The following LRP1B variants were observed in gnomAD, a reference collection of about 807,000 sequenced individuals.
The protein encoded by LRP1B is low-density lipoprotein receptor-related protein 1B.
Under a neutral mutation model 556.6 loss-of-function variants are expected in LRP1B, and 217 were observed. That is an observed-to-expected ratio of 0.39 (90% CI 0.35 to 0.44). The LOEUF (loss-of-function observed/expected upper bound fraction) is 0.44, where lower values mean the gene tolerates loss of function less well. Ranked by LOEUF, LRP1B falls within the 20% of genes least tolerant of loss-of-function variation. The probability of loss-of-function intolerance (pLI) is 1.00; values close to 1 mark genes in which losing one functional copy is unlikely to be tolerated. For missense variants in LRP1B, 5,053 were observed against 5,620.8 expected, an observed-to-expected ratio of 0.90 and a Z score of 3.23; for synonymous variants, 2,047 against 1,865.8, an observed-to-expected ratio of 1.10 and a Z score of -2.50.
chr2:140,891,338 G>C (rs1177529990), intron 23 of LRP1B, among the ~76,000 whole-genome samples: 1 of 151,930 alleles, frequency 6.6e-6, no homozygotes, highest in African/African-American at 2.4e-5. Flanking sequence ...GAGTTGCCTA[G>C]GAAAAAGAGT....
At chr2:140,247,492 G>T (rs1681217777) in intron 86 of LRP1B, among the ~76,000 whole-genome samples, 1 of 151,528 alleles carries the variant, frequency 6.6e-6, no homozygotes, top group Non-Finnish European at 1.5e-5. Context: ...ATTACAAGTG[G>T]CCACTTACAA....
intron 6 of LRP1B, among the ~76,000 whole-genome samples, chr2:141,228,239 G>A (rs1007007436): frequency 3.3e-5 from 5 of 152,118 alleles, no homozygotes. Flanking sequence ...TATTTTAGCC[G>A]AATTTGTAAG....
chr2:140,461,112 G>A (rs1178333301), intron 60 of LRP1B, among the ~76,000 whole-genome samples: 3 of 151,524 alleles, frequency 2.0e-5, no homozygotes, highest in African/African-American at 4.8e-5. Context: ...AGAAAAGGTG[G>A]CTATCCAGAA....
At chr2:140,617,139 C>T (rs1453639767) in intron 41 of LRP1B, among the ~76,000 whole-genome samples, 2 of 151,764 alleles carry the variant, frequency 1.3e-5, no homozygotes, top group Non-Finnish European at 2.9e-5. Flanking sequence ...AGAGTTTATG[C>T]TATTTAATCT....
intron 87 of LRP1B, among the ~76,000 whole-genome samples, chr2:140,242,375 T>C (rs1680984383): frequency 6.6e-6 from 1 of 151,150 alleles, no homozygotes; most frequent in Non-Finnish European, 1.5e-5. Context: ...TTTGAGATAT[T>C]TGAGGGCACA....
chr2:140,897,363 AC>A (rs1178505476), intron 23 of LRP1B, among the ~76,000 whole-genome samples: 2 of 152,094 alleles, frequency 1.3e-5, no homozygotes, highest in African/African-American at 2.4e-5. Context: ...AGTAACCATA[AC>A]CTGTCTTTCC....
At chr2:141,490,370 C>CGTGTGT (rs767310378) in intron 2 of LRP1B, among the ~76,000 whole-genome samples, 5,184 of 121,230 alleles carry the variant, frequency 0.043, 209 homozygotes, top group African/African-American at 0.12. Flanking sequence ...AAAATAGCCT[C>CGTGTGT]GTGTGTGTGT....
chr2:141,497,977 T>A (rs1005697899), intron 2 of LRP1B, among the ~76,000 whole-genome samples: 2 of 102,174 alleles, frequency 2.0e-5, no homozygotes, highest in African/African-American at 8.5e-5. Context: ...GCAGAACCAC[T>A]AAAACTTAAC....
At chr2:140,718,145 C>A (rs578248687) in intron 35 of LRP1B, among the ~76,000 whole-genome samples, 3 of 151,910 alleles carry the variant, frequency 2.0e-5, no homozygotes, top group African/African-American at 7.3e-5. Flanking sequence ...TGTTTCTCTG[C>A]TTGTTTGTAG....
chr2:142,001,876 G>A (rs16847868), intron 1 of LRP1B, among the ~76,000 whole-genome samples: 45,929 of 151,864 alleles, frequency 0.3, 8,347 homozygotes, highest in Admixed American at 0.43. Flanking sequence ...TGAAAATTGT[G>A]GGGTACATTT....
intron 83 of LRP1B, among the ~76,000 whole-genome samples, chr2:140,311,861 A>C (rs765018736): frequency 6.6e-5 from 10 of 152,072 alleles, no homozygotes; most frequent in African/African-American, 9.6e-5. Context: ...GATATCAGTT[A>C]GGTGACTGTG....
At position 140,583,162 on chromosome 2, in the gene LRP1B, C is replaced by CTTTTTTTTT. The variant is rs1220644581; in HGVS notation, c.7194+15468_7194+15469insAAAAAAAAA. On this transcript the variant is annotated intron_variant, in intron 43 of 90. Transcript: ENST00000389484. The stretch of plus-strand genomic sequence containing the variant: ...TGAAAGTTTCTATTGACAGTTTCTC[C>CTTTTTTTTT]TTTTTTTTCTTTTTTTTTTTTTTTT... 1.5e-4 allele frequency among the ~76,000 whole-genome samples: 16 copies of CTTTTTTTTT among 107,818 alleles called. 1 individual carries two copies. Among genetic ancestry groups the CTTTTTTTTT allele is most frequent in the Admixed American group, 3.2e-4 (3 of 9,454 alleles). The allele number at this position is 107,818 out of a possible 152,430, so 70.7% of individuals were successfully genotyped here. A position where few individuals can be genotyped will look rare whatever the true frequency, so the allele number is the denominator to read the frequency against.
chr2:141,742,549 T>C (rs1209631660), intron 2 of LRP1B, among the ~76,000 whole-genome samples: 1 of 152,088 alleles, frequency 6.6e-6, no homozygotes, highest in Non-Finnish European at 1.5e-5. Flanking sequence ...CCACCACGCC[T>C]GGCCTCCAGT....
chr2:140,231,721 CAG>C lies in LRP1B; in HGVS notation c.*1463_*1464del, dbSNP rs1475959427. On this transcript the variant is annotated 3_prime_UTR_variant, in exon 91 of 91. Coordinates refer to ENST00000389484, the MANE Select transcript of LRP1B (RefSeq NM_018557.3). ...TACAACAAAAAGTCTTCTTATAAAA[CAG>C]CAGTTTTTTTAATGCTTGTACAAAG... 6.6e-6 allele frequency: 1 copy of C among 151,524 alleles called. No individual in the cohort carries two copies. The highest frequency in any genetic ancestry group is 1.5e-5 in the Non-Finnish European group (1 of 67,486). The allele number at this position is 151,524 out of a possible 1,614,324, so 9.4% of individuals were successfully genotyped here. A position where few individuals can be genotyped will look rare whatever the true frequency, so the allele number is the denominator to read the frequency against.
chr2:140,504,377 G>A (rs1475662301), intron 53 of LRP1B, among the ~76,000 whole-genome samples: 2 of 152,176 alleles, frequency 1.3e-5, no homozygotes, highest in African/African-American at 4.8e-5. Context: ...TGATCTTGCT[G>A]TTCCCTTCTT....
intron 20 of LRP1B, among the ~76,000 whole-genome samples, chr2:140,924,545 A>G (rs1356770816): frequency 2.0e-5 from 3 of 152,060 alleles, no homozygotes; most frequent in African/African-American, 7.2e-5. Context: ...ATAAATAACC[A>G]AGGAGAAACA....
At chr2:141,756,834 T>A (rs1694339869) in intron 2 of LRP1B, among the ~76,000 whole-genome samples, 1 of 152,126 alleles carries the variant, frequency 6.6e-6, no homozygotes, top group South Asian at 2.1e-4. Context: ...TAGGTTTGTG[T>A]AAGCGTACTC....
chr2:140,887,676 T>C (rs1005625057), intron 23 of LRP1B, among the ~76,000 whole-genome samples: 1 of 152,152 alleles, frequency 6.6e-6, no homozygotes, highest in African/African-American at 2.4e-5. Flanking sequence ...CATCAACTGA[T>C]GAATAAAAAA....
chr2:141,923,436 T>TATA, intron 1 of LRP1B, among the ~76,000 whole-genome samples: 1 of 75,458 alleles, frequency 1.3e-5, no homozygotes, highest in Non-Finnish European at 2.6e-5. Flanking sequence ...GACAAAGAGA[T>TATA]TATATATATA....
Sources: gnomAD v4.1 joint callset for allele counts (sites outside exome capture counted in the v4.1 genomes callset) on GRCh38, gnomAD v4.1.1 for gene constraint, MANE v1.5 for transcripts, NCBI Gene and HGNC (gene_info 2026-07-23, HGNC 2026-07-21) for gene names.